Variants in NKIRAS1 observed in about 807,000 individuals in gnomAD.
NKIRAS1 encodes NF-kappa-B inhibitor-interacting Ras-like protein 1.
In NKIRAS1, 16 loss-of-function variants were observed where a neutral mutation model predicts 19.8. That is an observed-to-expected ratio of 0.81 (90% CI 0.55 to 1.23). The LOEUF (loss-of-function observed/expected upper bound fraction) is 1.23. NKIRAS1 is among the 50% of genes most tolerant of loss of function. The pLI is 0.00. For synonymous variants in NKIRAS1, 88 were observed against 79.0 expected (o/e 1.11, Z -0.61); for missense variants, 184 against 220.0 (o/e 0.84, Z 1.04).
intron 4 of NKIRAS1, among the ~76,000 whole-genome samples, chr3:23,895,257 C>T (rs757498410): frequency 3.3e-5 from 5 of 152,144 alleles, no homozygotes; most frequent in Non-Finnish European, 5.9e-5. Flanking sequence ...AGCAATCCTC[C>T]TGCCTCAGCT....
chr3:23,910,971 C>A, intron 2 of NKIRAS1, 50 bp from the exon 3 acceptor site: 2 of 1,356,536 alleles, frequency 1.5e-6, no homozygotes, highest in Non-Finnish European at 2.1e-6. Context: ...TGAAATTAAC[C>A]ATTTCTTTTT....
rs183647419 is a variant in NKIRAS1 at position 23,899,930 on chromosome 3, G to A, written c.336+878C>T. ...TGTAATCTCAGCACTTTGGGAGGCC[G>A]AAGCAGGCGGATCACAAAGTCAGGA... On this transcript the variant is annotated intron_variant, in intron 4 of 4. Transcript: ENST00000425478. Among the ~76,000 whole-genome samples, 336 of 151,752 alleles carry A rather than the reference G, an allele frequency of 2.2e-3. 1 individual carries two copies. Among genetic ancestry groups the A allele is most frequent in the African/African-American group, 7.2e-3 (298 of 41,384 alleles).
chr3:23,945,979 T>C (rs1705678114), intron 1 of NKIRAS1: 1 of 474,452 alleles, frequency 2.1e-6, no homozygotes, highest in African/African-American at 2.1e-5. Flanking sequence ...GTGAGGCCGC[T>C]CGGCTCCCTG....
intron 1 of NKIRAS1, among the ~76,000 whole-genome samples, chr3:23,914,918 T>G (rs1334272604): frequency 6.6e-6 from 1 of 152,224 alleles, no homozygotes; most frequent in African/African-American, 2.4e-5. Context: ...CAGTAGCACA[T>G]TCAACTTTTT....
At chr3:23,917,792 A>G, upstream of NKIRAS1, 1 of 1,490,046 alleles carries the variant, frequency 6.7e-7, no homozygotes, top group Non-Finnish European at 9.1e-7. Context: ...ATGGACGGAT[A>G]CAGTCGTCTT....
At chr3:23,917,533 C>T (rs997322415), upstream of NKIRAS1, 12 of 242,262 alleles carry the variant, frequency 5.0e-5, no homozygotes, top group African/African-American at 2.7e-4. Flanking sequence ...GTGATGTCAG[C>T]GGCATCTCCT....
intron 1 of NKIRAS1, among the ~76,000 whole-genome samples, chr3:23,928,115 CACACACACACACAT>C (rs929858258): frequency 1.3e-5 from 2 of 150,974 alleles, no homozygotes; most frequent in Non-Finnish European, 3.0e-5. Context: ...CACACACACA[CACACACACACACAT>C]ACACACACAC....
intron 1 of NKIRAS1, chr3:23,945,509 T>TGGG: frequency 1.1e-6 from 1 of 932,506 alleles, no homozygotes; most frequent in Non-Finnish European, 1.3e-6. Context: ...GGCGCGGCGC[T>TGGG]GAGGCGGCGG....
rs980633784 is a variant in NKIRAS1, at chr3:23,928,719, C to A, written c.-139-17269G>T. 4.1e-5 allele frequency among the ~76,000 whole-genome samples: 6 copies of A among 148,062 alleles called. No homozygotes were observed. In the South Asian group the frequency reaches 6.3e-4, roughly 16 times the overall value. ...AAAAAAAAAAAAAAAAGGCCGGGCGCTGTGACTCACACCTGTAATCCTAGC... is the reference window on the plus strand; with the variant it reads ...AAAAAAAAAAAAAAAAGGCCGGGCGATGTGACTCACACCTGTAATCCTAGC... On this transcript the variant is annotated intron_variant, in intron 1 of 4. Transcript: ENST00000421515.
At chr3:23,935,388 A>AG (rs1705376022) in intron 1 of NKIRAS1, among the ~76,000 whole-genome samples, 1 of 151,784 alleles carries the variant, frequency 6.6e-6, no homozygotes. Context: ...ACAAAAAAAA[A>AG]AAATTGATCA....
At chr3:23,915,006 G>C (rs1704182280) in intron 1 of NKIRAS1, among the ~76,000 whole-genome samples, 2 of 152,178 alleles carry the variant, frequency 1.3e-5, no homozygotes, top group Non-Finnish European at 1.5e-5. Flanking sequence ...TCTGGGTGAG[G>C]CACCATGTTC....
chr3:23,936,107 G>C (rs866892435), intron 1 of NKIRAS1, among the ~76,000 whole-genome samples: 1 of 58,584 alleles, frequency 1.7e-5, no homozygotes, highest in African/African-American at 5.2e-5. Flanking sequence ...AAAAAAAAAA[G>C]CGGGGTTGGG....
rs1330979882 is a variant in NKIRAS1, at chr3:23,933,841, C to T, written c.-140+12482G>A. 3.3e-5 allele frequency among the ~76,000 whole-genome samples: 5 copies of T among 152,234 alleles called. No individual in the cohort carries two copies. In the East Asian group the frequency reaches 7.7e-4, roughly 24 times the overall value. ...GCTGGAAAGTCCAAGATCAAGGCAC[C>T]AGTAAGTTGGGTGTCTGGTAAAGGG... On this transcript the variant is annotated intron_variant, in intron 1 of 4. Transcript: ENST00000421515.
At position 23,891,573 on chromosome 3, in the gene NKIRAS1, G is replaced by A. The variant is rs889713509; in HGVS notation, c.*1522C>T. The A allele has an allele frequency of 3.9e-5, 6 of 152,192 alleles. No homozygotes were observed. Among genetic ancestry groups the A allele is most frequent in the African/African-American group, 1.4e-4 (6 of 41,450 alleles). 9.4% of individuals were successfully genotyped at this position (152,192 alleles called of 1,614,324 possible). A position where few individuals can be genotyped will look rare whatever the true frequency, so the allele number is the denominator to read the frequency against. ...TAAAAGCATTTTCTGACTTGCAGAT[G>A]CTGTAGTAGCAAGTACATGAGAAAT... On this transcript the variant is annotated 3_prime_UTR_variant, in exon 5 of 5. Transcript: ENST00000425478.
At chr3:23,919,392 G>T (rs769387719), upstream of NKIRAS1, 6 of 1,602,968 alleles carry the variant, frequency 3.7e-6, no homozygotes, top group East Asian at 8.9e-5. Flanking sequence ...TCTGCAGGCC[G>T]AAAGAGCCGT....
intron 3 of NKIRAS1, among the ~76,000 whole-genome samples, chr3:23,901,800 C>T (rs564929080): frequency 3.0e-4 from 45 of 152,308 alleles, no homozygotes; most frequent in African/African-American, 1.0e-3. Context: ...AGGCCAGGCA[C>T]GGTGGCTCAC....
upstream of NKIRAS1, chr3:23,917,719 C>G (rs903091931): frequency 3.3e-6 from 3 of 902,324 alleles, no homozygotes; most frequent in Middle Eastern, 3.5e-4. Flanking sequence ...TAGCTGTCCC[C>G]GGCAGTTGGT....
Position 23,890,442 on chromosome 3 carries a change from C to G in NKIRAS1, c.*2653G>C. The stretch of plus-strand genomic sequence containing the variant: ...TGTCGTACGTATCTACCCAAGCTGT[C>G]ACTATTCGCTAAAGTTTAAAATGTT... On this transcript the variant is annotated 3_prime_UTR_variant, in exon 5 of 5. Coordinates refer to ENST00000425478, the MANE Select transcript of NKIRAS1 (RefSeq NM_020345.4). 4 of 1,493,136 alleles carry G rather than the reference C, an allele frequency of 2.7e-6. No individual in the cohort carries two copies. The highest frequency in any genetic ancestry group is 3.7e-6 in the Non-Finnish European group (4 of 1,091,780). 92.5% of individuals were successfully genotyped at this position (1,493,136 alleles called of 1,614,324 possible).
In NKIRAS1 at chr3:23,891,516, A is replaced by G. The variant is rs1001794454; in HGVS notation, c.*1579T>C. 1.3e-5 allele frequency: 2 copies of G among 152,196 alleles called. No homozygotes were observed. Among genetic ancestry groups the G allele is most frequent in the African/African-American group, 4.8e-5 (2 of 41,444 alleles). 9.4% of individuals were successfully genotyped at this position (152,196 alleles called of 1,614,324 possible). On this transcript the variant is annotated 3_prime_UTR_variant, in exon 5 of 5. Coordinates refer to ENST00000425478, the MANE Select transcript of NKIRAS1 (RefSeq NM_020345.4). The stretch of plus-strand genomic sequence containing the variant: ...AAAGGTTAAATAATCTACCCCATTT[A>G]GGCTTCAAAGACGAACCCTACTGCA...
Sources: gnomAD v4.1 joint callset for allele counts (sites outside exome capture counted in the v4.1 genomes callset) on GRCh38, gnomAD v4.1.1 for gene constraint, MANE v1.5 for transcripts, NCBI Gene and HGNC (gene_info 2026-07-23, HGNC 2026-07-21) for gene names.